The following GRIP1 variants were observed in gnomAD, a reference collection of about 807,000 sequenced individuals.
GRIP1 encodes glutamate receptor-interacting protein 1.
In GRIP1, 45 loss-of-function variants were observed where a neutral mutation model predicts 129.9. The observed-to-expected ratio is 0.35, with a 90% CI of 0.27 to 0.44. The LOEUF (loss-of-function observed/expected upper bound fraction) is 0.44, where lower values mean the gene tolerates loss of function less well. GRIP1 is among the 20% of genes least tolerant of loss of function. GRIP1 has a pLI of 1.00. For missense variants in GRIP1, 1,196 were observed against 1,396.8 expected (o/e 0.86, Z 2.29); for synonymous variants, 530 against 520.8 (o/e 1.02, Z -0.24).
chr12:66,443,451 T>C (rs369732433), intron 13 of GRIP1, among the ~76,000 whole-genome samples: 4 of 134,688 alleles, frequency 3.0e-5, no homozygotes, highest in African/African-American at 9.8e-5. Flanking sequence ...TTTCTCTTTC[T>C]TTTTTTTTTT....
intron 12 of GRIP1, among the ~76,000 whole-genome samples, 197 bp downstream of exon 12, chr12:66,445,125 T>C (rs2058584125): frequency 6.6e-6 from 1 of 152,234 alleles, no homozygotes; most frequent in East Asian, 1.9e-4. Context: ...ATGGACAAAA[T>C]CTGCTAGTTA....
intron 1 of GRIP1, among the ~76,000 whole-genome samples, chr12:66,908,691 G>T (rs75363891): frequency 0.038 from 5,800 of 152,276 alleles, 245 homozygotes; most frequent in African/African-American, 0.1. Context: ...TCCTAGACCA[G>T]AGGGAAAAAA....
intron 1 of GRIP1, among the ~76,000 whole-genome samples, chr12:66,657,788 A>T (rs2033252172): frequency 6.6e-6 from 1 of 151,984 alleles, no homozygotes; most frequent in Admixed American, 6.6e-5. Context: ...AAAATGTATG[A>T]CTCTTCCTAG....
chr12:66,900,838 A>G (rs2040833146), intron 1 of GRIP1, among the ~76,000 whole-genome samples: 1 of 152,228 alleles, frequency 6.6e-6, no homozygotes, highest in African/African-American at 2.4e-5. Context: ...CTGGAAAAAC[A>G]TCAGGTTTCT....
At chr12:66,418,677 C>T (rs144040107) in intron 15 of GRIP1, among the ~76,000 whole-genome samples, 1 of 152,234 alleles carries the variant, frequency 6.6e-6, no homozygotes, top group African/African-American at 2.4e-5. Context: ...AAATGTCTAA[C>T]AGGCATAAGA....
intron 1 of GRIP1, among the ~76,000 whole-genome samples, chr12:66,851,750 G>A (rs1278505508): frequency 1.3e-5 from 2 of 152,098 alleles, no homozygotes; most frequent in African/African-American, 4.8e-5. Flanking sequence ...CTCTGATAGT[G>A]TATGGCTAAG....
chr12:66,929,749 C>T (rs1417150302), intron 1 of GRIP1, among the ~76,000 whole-genome samples: 1 of 152,180 alleles, frequency 6.6e-6, no homozygotes, highest in East Asian at 1.9e-4. Flanking sequence ...ATACTGACAA[C>T]AAGAAACTTG....
At chr12:66,898,067 C>T (rs1414597617) in intron 1 of GRIP1, among the ~76,000 whole-genome samples, 2 of 152,202 alleles carry the variant, frequency 1.3e-5, no homozygotes, top group East Asian at 1.9e-4. Flanking sequence ...CACCTAAATG[C>T]GTGTCCAAAT....
chr12:66,392,345 C>T lies in GRIP1; in HGVS notation c.2427G>A (p.Trp809Ter). The part of the protein sequence containing the change: ...VPSVDSAVDS[W>*]DGSAIDTSYG... ...AGCTGGTGTCTATTGCAGACCCATC[C>T]CATGAATCCACAGCACTGTCCACAC... is the stretch of plus-strand genomic sequence containing the variant. The change falls in exon 19 of 25, where the codon TGG becomes TGA. Residue 809 changes from tryptophan (W) to a stop codon, truncating the protein, a stop_gained. Coordinates refer to ENST00000359742, the MANE Select transcript of GRIP1 (RefSeq NM_001366722.1). LOFTEE classifies it high-confidence loss of function. 1.2e-6 allele frequency: 2 copies of T among 1,613,370 alleles called. No individual in the cohort carries two copies. The highest frequency in any genetic ancestry group is 1.7e-6 in the Non-Finnish European group (2 of 1,179,360).
At chr12:66,759,032 T>C (rs899380208) in intron 1 of GRIP1, among the ~76,000 whole-genome samples, 4 of 152,192 alleles carry the variant, frequency 2.6e-5, no homozygotes, top group South Asian at 2.1e-4. Flanking sequence ...CTGCCCCCAG[T>C]AGGGACTCTG....
chr12:66,959,811 CAT>C (rs991753978), intron 1 of GRIP1, among the ~76,000 whole-genome samples: 1 of 151,730 alleles, frequency 6.6e-6, no homozygotes, highest in African/African-American at 2.4e-5. Flanking sequence ...AAAGTATGTA[CAT>C]AGATATTCAT....
chr12:66,917,252 C>A (rs768223088), intron 1 of GRIP1, among the ~76,000 whole-genome samples: 1 of 152,220 alleles, frequency 6.6e-6, no homozygotes, highest in Non-Finnish European at 1.5e-5. Context: ...CATGCTGCCA[C>A]TCTAATCAAT....
chr12:67,055,748 A>G (rs566992266), intron 1 of GRIP1, among the ~76,000 whole-genome samples: 1 of 152,380 alleles, frequency 6.6e-6, no homozygotes, highest in Admixed American at 6.5e-5. Context: ...TTATATGATT[A>G]TGAGAATAGT....
intron 23 of GRIP1, among the ~76,000 whole-genome samples, chr12:66,365,850 T>C (rs2055108710): frequency 6.6e-6 from 1 of 152,194 alleles, no homozygotes; most frequent in African/African-American, 2.4e-5. Context: ...TGAGGCAAGA[T>C]GGAATGATGG....
intron 1 of GRIP1, among the ~76,000 whole-genome samples, chr12:66,986,973 A>G (rs568762004): frequency 1.6e-4 from 25 of 152,310 alleles, no homozygotes; most frequent in African/African-American, 5.3e-4. Flanking sequence ...GAGACAGTAT[A>G]TAAGAACTTT....
intron 3 of GRIP1, among the ~76,000 whole-genome samples, chr12:66,540,281 C>T (rs1194480837): frequency 6.6e-6 from 1 of 152,220 alleles, no homozygotes; most frequent in Non-Finnish European, 1.5e-5. Flanking sequence ...TGATTTACTA[C>T]CTTCAAAATG....
chr12:66,515,586 C>T, intron 7 of GRIP1, 33 bp downstream of exon 7: 2 of 1,594,628 alleles, frequency 1.3e-6, no homozygotes, highest in Non-Finnish European at 1.7e-6. Context: ...CGTTCTGGTG[C>T]TTAGAGATCA....
rs148644343 is a variant in GRIP1, at chr12:66,590,623, CTCTTA to C, written c.136+6219_136+6223del. Among the ~76,000 whole-genome samples the C allele has an allele frequency of 3.8e-3, 578 of 152,282 alleles. 5 individuals carry two copies. The highest frequency in any genetic ancestry group is 0.013 in the African/African-American group (549 of 41,556). ...ACAAGCAGAACATGTGAATGAATCA[CTCTTA>C]TCTTGTCAATTTTATTATTAAATGG... is the stretch of plus-strand genomic sequence containing the variant. On this transcript the variant is annotated intron_variant, in intron 2 of 24. Transcript: ENST00000359742.
chr12:66,464,214 A>G (rs1457822650), intron 8 of GRIP1, among the ~76,000 whole-genome samples: 1 of 152,184 alleles, frequency 6.6e-6, no homozygotes, highest in Admixed American at 6.5e-5. Context: ...ATAATTCCAC[A>G]TTTTTTGCAC....
Sources: gnomAD v4.1 joint callset for allele counts (sites outside exome capture counted in the v4.1 genomes callset) on GRCh38, gnomAD v4.1.1 for gene constraint, MANE v1.5 for transcripts, NCBI Gene and HGNC (gene_info 2026-07-23, HGNC 2026-07-21) for gene names.